Variants in RANBP2 observed in about 807,000 individuals in gnomAD.
RANBP2 encodes the protein RAN binding protein 2, also known as E3 SUMO-protein ligase RanBP2.
RANBP2 carries 57 observed loss-of-function variants against 303.6 expected under a neutral mutation model. The ratio of observed to expected loss-of-function variants is 0.19; its 90% confidence interval spans 0.15 to 0.23. The LOEUF is 0.23. RANBP2 is among the 10% of genes least tolerant of loss of function. The pLI, the probability that RANBP2 is intolerant of heterozygous loss-of-function variation, is 1.00. For missense variants in RANBP2, 3,138 were observed against 3,780.8 expected, an observed-to-expected ratio of 0.83 and a Z score of 4.46; for synonymous variants, 1,167 against 1,301.5, an observed-to-expected ratio of 0.90 and a Z score of 2.23.
the RANBP2 span, among the ~76,000 whole-genome samples, chr2:109,002,528 A>G: frequency 2.6e-5 from 4 of 152,072 alleles, no homozygotes; most frequent in Non-Finnish European, 5.9e-5. Flanking sequence ...CCCTTGGAAT[A>G]AAGTCCTAGG....
At chr2:109,073,796 A>G in the RANBP2 span, among the ~76,000 whole-genome samples, 2 of 151,030 alleles carry the variant, frequency 1.3e-5, no homozygotes, top group Non-Finnish European at 3.0e-5. Flanking sequence ...ACATTATGAT[A>G]TCAGTAACAC....
At chr2:109,134,258 C>T in the RANBP2 span, among the ~76,000 whole-genome samples, 1 of 152,134 alleles carries the variant, frequency 6.6e-6, no homozygotes, top group Admixed American at 6.5e-5. Flanking sequence ...TTCCTCCGCC[C>T]TTCTGTCCAG....
At chr2:109,662,645 A>G in the RANBP2 span, among the ~76,000 whole-genome samples, 16 of 152,188 alleles carry the variant, frequency 1.1e-4, no homozygotes, top group East Asian at 2.7e-3. Context: ...TCCTGACCTC[A>G]GGTGATCTGC....
the RANBP2 span, among the ~76,000 whole-genome samples, chr2:109,040,690 GT>G: frequency 6.6e-6 from 1 of 152,066 alleles, no homozygotes; most frequent in African/African-American, 2.4e-5. Context: ...AGATTCATTC[GT>G]ATTTTCTTGA....
the RANBP2 span, among the ~76,000 whole-genome samples, chr2:109,087,939 G>A: frequency 1.3e-5 from 2 of 152,154 alleles, no homozygotes; most frequent in African/African-American, 2.4e-5. Context: ...CCCATTGTGT[G>A]GCCTTGAGCA....
chr2:109,500,583 ATGT>A, the RANBP2 span, among the ~76,000 whole-genome samples: 1 of 152,150 alleles, frequency 6.6e-6, no homozygotes, highest in Non-Finnish European at 1.5e-5. Context: ...ATTGATGTTG[ATGT>A]TGTGGCCTCA....
the RANBP2 span, chr2:109,615,116 G>A: frequency 1.9e-6 from 3 of 1,549,796 alleles, no homozygotes; most frequent in Non-Finnish European, 2.6e-6. Flanking sequence ...GTGACCTGGT[G>A]ATGGGCAGCT....
At chr2:108,941,480 T>C in the RANBP2 span, among the ~76,000 whole-genome samples, 1 of 152,114 alleles carries the variant, frequency 6.6e-6, no homozygotes, top group Non-Finnish European at 1.5e-5. Context: ...CCCTGAGCTG[T>C]TCCCTTTGAG....
At chr2:109,652,632 T>C in the RANBP2 span, among the ~76,000 whole-genome samples, 2 of 152,170 alleles carry the variant, frequency 1.3e-5, no homozygotes, top group Non-Finnish European at 2.9e-5. Context: ...TGCACAGCCA[T>C]GTGGCTGGGT....
At chr2:109,201,268 T>C in the RANBP2 span, among the ~76,000 whole-genome samples, 1 of 152,358 alleles carries the variant, frequency 6.6e-6, no homozygotes, top group Admixed American at 6.5e-5. Flanking sequence ...TTGCTGGCCT[T>C]GTATTTGAAG....
At chr2:109,507,783 C>A in the RANBP2 span, among the ~76,000 whole-genome samples, 1 of 152,208 alleles carries the variant, frequency 6.6e-6, no homozygotes, top group East Asian at 1.9e-4. Flanking sequence ...CAAAAGAGGA[C>A]TTCTTGACTC....
At chr2:108,969,194 C>A in the RANBP2 span, among the ~76,000 whole-genome samples, 2 of 152,124 alleles carry the variant, frequency 1.3e-5, no homozygotes, top group Non-Finnish European at 2.9e-5. Flanking sequence ...AGCAGCTGAA[C>A]CCTGGCTTTG....
the RANBP2 span, among the ~76,000 whole-genome samples, chr2:109,283,526 G>A: frequency 6.6e-6 from 1 of 152,134 alleles, no homozygotes; most frequent in African/African-American, 2.4e-5. Context: ...AGTAGGGGAG[G>A]GATGGGCCAC....
the RANBP2 span, among the ~76,000 whole-genome samples, chr2:109,053,497 T>C: frequency 1.3e-5 from 2 of 152,186 alleles, no homozygotes; most frequent in African/African-American, 4.8e-5. Context: ...CAGACTGCTT[T>C]TCAGGCATCC....
At chr2:109,440,595 G>A in the RANBP2 span, among the ~76,000 whole-genome samples, 1 of 152,226 alleles carries the variant, frequency 6.6e-6, no homozygotes, top group Admixed American at 6.5e-5. Flanking sequence ...AAAAAGCCAA[G>A]TATATAAAAC....
the RANBP2 span, among the ~76,000 whole-genome samples, chr2:109,462,108 C>A: frequency 6.6e-6 from 1 of 150,896 alleles, no homozygotes; most frequent in African/African-American, 2.4e-5. Flanking sequence ...GGTGTCTTAC[C>A]AACAAATCTA....
the RANBP2 span, among the ~76,000 whole-genome samples, chr2:108,958,421 A>C: frequency 6.6e-6 from 1 of 151,058 alleles, no homozygotes; most frequent in African/African-American, 2.5e-5. Context: ...AAAAAAAAAC[A>C]AAAAACAAAA....
At chr2:109,266,412 C>G in the RANBP2 span, among the ~76,000 whole-genome samples, 3 of 152,056 alleles carry the variant, frequency 2.0e-5, no homozygotes, top group East Asian at 1.9e-4. Flanking sequence ...TCCGATACAA[C>G]AAGACTCGCA....
chr2:109,078,266 GCGTATATATA>G, the RANBP2 span, among the ~76,000 whole-genome samples: 2,329 of 54,148 alleles, frequency 0.043, 330 homozygotes, highest in African/African-American at 0.052. Context: ...TATATATAGC[GCGTATATATA>G]TATATATATA....
Sources: allele counts gnomAD v4.1 joint callset (sites outside exome capture counted in the v4.1 genomes callset), GRCh38; gene constraint gnomAD v4.1.1; transcripts MANE v1.5; gene names NCBI Gene and HGNC (gene_info 2026-07-23, HGNC 2026-07-21).